The following SLC10A6 variants were observed in gnomAD, a reference collection of about 807,000 sequenced individuals.
SLC10A6 encodes the protein sodium-dependent organic anion transporter.
SLC10A6 carries 27 observed loss-of-function variants against 30.0 expected under a neutral mutation model. The ratio of observed to expected loss-of-function variants is 0.90; its 90% confidence interval spans 0.66 to 1.24. The LOEUF (loss-of-function observed/expected upper bound fraction) is 1.24, where lower values mean the gene tolerates loss of function less well. Among genes scored for constraint, SLC10A6 ranks in the 50% most tolerant of loss-of-function variants. The pLI, the probability that SLC10A6 is intolerant of heterozygous loss-of-function variation, is 0.00. For missense variants in SLC10A6, 439 were observed against 457.0 expected, an observed-to-expected ratio of 0.96 and a Z score of 0.36; for synonymous variants, 166 against 173.8, an observed-to-expected ratio of 0.95 and a Z score of 0.36.
At chr4:86,837,319 A>AAGGGAGGGAGGGAGGGAGGAAG (rs1746215765) in intron 1 of SLC10A6, among the ~76,000 whole-genome samples, 1 of 144,484 alleles carries the variant, frequency 6.9e-6, no homozygotes, top group African/African-American at 2.7e-5. Flanking sequence ...GGAAGGAAGG[A>AAGGGAGGGAGGGAGGGAGGAAG]AGGAAGGAAG....
intron 1 of SLC10A6, among the ~76,000 whole-genome samples, chr4:86,837,335 AAGGAAGGAAGGC>A (rs1367323352): frequency 1.7e-4 from 19 of 112,134 alleles, no homozygotes; most frequent in African/African-American, 1.0e-3. Context: ...GGAAGGAAGG[AAGGAAGGAAGGC>A]AGGCAGGCAG....
At chr4:86,837,981 A>G (rs1468416752) in intron 1 of SLC10A6, among the ~76,000 whole-genome samples, 1 of 152,090 alleles carries the variant, frequency 6.6e-6, no homozygotes, top group African/African-American at 2.4e-5. Flanking sequence ...GTCATCTGTC[A>G]CTCTTCCTCC....
rs1226868646 is a variant in SLC10A6 at position 86,849,138 on chromosome 4, A to G, written c.-23T>C. ...CATCTCCTCATCTCCTTAAGGCAGC[A>G]TTACAAATGAACATCGGCAACAATG... On this transcript the variant is annotated 5_prime_UTR_variant, in exon 1 of 6. The change abolishes an upstream ATG in the 5' untranslated region. Transcript: ENST00000273905. The G allele has an allele frequency of 1.3e-6, 2 of 1,586,292 alleles. No homozygotes were observed. Among genetic ancestry groups the G allele is most frequent in the Admixed American group, 1.8e-5 (1 of 56,282 alleles).
intron 1 of SLC10A6, among the ~76,000 whole-genome samples, chr4:86,837,099 G>T (rs916545970): frequency 1.3e-5 from 2 of 151,386 alleles, no homozygotes; most frequent in African/African-American, 4.9e-5. Context: ...AATTTATTTA[G>T]GGAAAAGCAC....
intron 1 of SLC10A6, among the ~76,000 whole-genome samples, chr4:86,840,182 G>T (rs1489561744): frequency 1.3e-5 from 2 of 151,918 alleles, no homozygotes; most frequent in African/African-American, 4.8e-5. Flanking sequence ...GCCTCCCAAA[G>T]TGTTGGGATT....
At chr4:86,842,646 A>G (rs1215917887) in intron 1 of SLC10A6, among the ~76,000 whole-genome samples, 1 of 150,738 alleles carries the variant, frequency 6.6e-6, no homozygotes, top group African/African-American at 2.5e-5. Flanking sequence ...TCAGTGAGCC[A>G]TGATTGTACC....
chr4:86,842,990 G>C (rs1746333443), intron 1 of SLC10A6, among the ~76,000 whole-genome samples: 1 of 151,336 alleles, frequency 6.6e-6, no homozygotes, highest in Admixed American at 6.6e-5. Flanking sequence ...TCCTGCCTCA[G>C]TCTCCTGAGT....
Position 86,823,992 on chromosome 4 carries a change from T to G in SLC10A6, c.920-90A>C. ...TACACTTGTCAATCCTTCAGGTGTT[T>G]GTTTCAGTGGCATCATGTATGTATA... On this transcript the variant is annotated intron_variant, in intron 5 of 5. Transcript: ENST00000273905. The G allele has an allele frequency of 2.5e-6, 3 of 1,199,324 alleles. No homozygotes were observed. In the East Asian group the frequency reaches 7.2e-5, roughly 29 times the overall value. The allele number at this position is 1,199,324 out of a possible 1,614,324, so 74.3% of individuals were successfully genotyped here.
intron 1 of SLC10A6, among the ~76,000 whole-genome samples, chr4:86,838,172 C>T (rs1030595478): frequency 6.6e-6 from 1 of 152,214 alleles, no homozygotes; most frequent in Non-Finnish European, 1.5e-5. Context: ...AAAAATGGTA[C>T]ACCACAGAGG....
At chr4:86,824,608 A>C (rs1476801341) in intron 5 of SLC10A6, among the ~76,000 whole-genome samples, 2 of 151,694 alleles carry the variant, frequency 1.3e-5, no homozygotes, top group East Asian at 3.9e-4. Flanking sequence ...TTTTAGATCC[A>C]TGTGCATGTT....
In SLC10A6 at chr4:86,833,375, G is replaced by A. The variant is rs1399695787; in HGVS notation, c.427C>T (p.Leu143Phe). Residue 143 changes from leucine (L) to phenylalanine (F), a missense_variant, in exon 2 of 6, where the codon CTC becomes TTC. Leu to Phe is a conservative substitution (Grantham distance 22, BLOSUM62 0). Coordinates refer to ENST00000273905, the MANE Select transcript of SLC10A6 (RefSeq NM_197965.3). ...GACCAGGTGTAGAGATAAATGCAGA[G>A]TGGCATCATTCCCAGGGCGGCCACG... The part of the protein sequence containing the change: ...STVAALGMMP[L>F]CIYLYTWSWS... 7 of 1,613,932 alleles carry A rather than the reference G, an allele frequency of 4.3e-6. No individual in the cohort carries two copies. The highest frequency in any genetic ancestry group is 5.9e-6 in the Non-Finnish European group (7 of 1,179,982).
chr4:86,843,778 T>C (rs1450661332), intron 1 of SLC10A6, among the ~76,000 whole-genome samples: 1 of 152,198 alleles, frequency 6.6e-6, no homozygotes. Context: ...ATAATAATAA[T>C]AGTTCATATC....
rs1746216405 is a variant in SLC10A6 at position 86,837,325 on chromosome 4, G to A, written c.378-3901C>T. Among the ~76,000 whole-genome samples, 2 of 149,326 alleles carry A rather than the reference G, an allele frequency of 1.3e-5. 1 individual carries two copies. Among genetic ancestry groups the A allele is most frequent in the Non-Finnish European group, 3.0e-5 (2 of 67,590 alleles). ...AGGAAGGAAGGAAGGAAGGAAGGAA[G>A]GAAGGAAGGAAGGAAGGAAGGCAGG... On this transcript the variant is annotated intron_variant, in intron 1 of 5. Coordinates refer to ENST00000273905, the MANE Select transcript of SLC10A6 (RefSeq NM_197965.3).
intron 1 of SLC10A6, among the ~76,000 whole-genome samples, chr4:86,842,933 G>A (rs1746331629): frequency 3.3e-5 from 5 of 149,640 alleles, no homozygotes; most frequent in Middle Eastern, 3.4e-3. Flanking sequence ...GTGCAGTGGT[G>A]TGATCTCGGC....
intron 1 of SLC10A6, among the ~76,000 whole-genome samples, chr4:86,844,528 A>G (rs1746360994): frequency 6.6e-6 from 1 of 152,220 alleles, no homozygotes; most frequent in South Asian, 2.1e-4. Context: ...GCATTGGCCA[A>G]TGGAATGTGG....
chr4:86,833,542 G>T, intron 1 of SLC10A6, 118 bp from the exon 2 acceptor site: 1 of 672,162 alleles, frequency 1.5e-6, no homozygotes. Context: ...TAAGCTCCTT[G>T]GAGCTCATTT....
rs1560461900 is a variant in SLC10A6, at chr4:86,842,854, CTTTCTTTCTTTCTTTCTTTCT to C, written c.377+5864_377+5884del. On this transcript the variant is annotated intron_variant, in intron 1 of 5. Coordinates refer to ENST00000273905, the MANE Select transcript of SLC10A6 (RefSeq NM_197965.3). ...TCTTTCTTTCTTTCTTTCTTTCTTT[CTTTCTTTCTTTCTTTCTTTCT>C]TTTTTTTTTTGAGATGGAGTCTCGC... Among the ~76,000 whole-genome samples, 21 of 32,566 alleles carry C rather than the reference CTTTCTTTCTTTCTTTCTTTCT, an allele frequency of 6.4e-4. No homozygotes were observed. In the East Asian group the frequency reaches 0.011, roughly 17 times the overall value. The allele number at this position is 32,566 out of a possible 152,430, so 21.4% of individuals were successfully genotyped here. A position where few individuals can be genotyped will look rare whatever the true frequency, so the allele number is the denominator to read the frequency against.
In SLC10A6 at chr4:86,831,864, G is replaced by C. The variant is rs1306287650; in HGVS notation, c.513C>G (p.Cys171Trp). 3.7e-6 allele frequency: 6 copies of C among 1,612,900 alleles called. No individual in the cohort carries two copies. In the East Asian group the frequency reaches 8.9e-5, roughly 24 times the overall value. The part of the protein sequence containing the change: ...PYQNIGITLV[C>W]LTIPVAFGVY... ...CACCAAAGGCCACAGGAATGGTCAG[G>C]CACACAAGGGTAATTCCTAAAGAGA... Residue 171 changes from cysteine (C) to tryptophan (W), a missense_variant, in exon 3 of 6, where the codon TGC (cysteine) becomes TGG (tryptophan). Transcript: ENST00000273905.
intron 1 of SLC10A6, among the ~76,000 whole-genome samples, chr4:86,845,822 C>T (rs981385755): frequency 3.3e-5 from 5 of 152,160 alleles, no homozygotes; most frequent in Admixed American, 2.0e-4. Flanking sequence ...GCTAAGATGA[C>T]AAGCCCAGGC....
Sources: gnomAD v4.1 joint callset for allele counts (sites outside exome capture counted in the v4.1 genomes callset) on GRCh38, gnomAD v4.1.1 for gene constraint, MANE v1.5 for transcripts, NCBI Gene and HGNC (gene_info 2026-07-23, HGNC 2026-07-21) for gene names.